RYR2: variants seen among roughly 807,000 people sequenced by gnomAD.
RYR2 encodes ryanodine receptor 2, also known as cardiac muscle ryanodine receptor-calcium release channel.
Under a neutral mutation model 601.1 loss-of-function variants are expected in RYR2, and 227 were observed. The ratio of observed to expected loss-of-function variants is 0.38; its 90% confidence interval spans 0.34 to 0.42. RYR2 has a LOEUF of 0.42. Ranked by LOEUF, RYR2 falls within the 10% of genes least tolerant of loss-of-function variation. The pLI, the probability that RYR2 is intolerant of heterozygous loss-of-function variation, is 1.00. For missense variants in RYR2, 4,646 were observed against 6,156.5 expected (o/e 0.75, Z 8.21); for synonymous variants, 2,223 against 2,175.1 (o/e 1.02, Z -0.61).
intron 10 of RYR2, among the ~76,000 whole-genome samples, chr1:237,408,944 A>C (rs1572191245): frequency 7.0e-6 from 1 of 143,428 alleles, no homozygotes; most frequent in African/African-American, 2.6e-5. Flanking sequence ...ATTAAGATAA[A>C]TAATATTTTT....
intron 63 of RYR2, among the ~76,000 whole-genome samples, chr1:237,690,616 C>G (rs925427549): frequency 2.6e-5 from 4 of 152,182 alleles, no homozygotes; most frequent in African/African-American, 9.6e-5. Flanking sequence ...AATCCCAGCA[C>G]TTTGGGAGGC....
rs768755342 is a variant in RYR2 at position 237,569,236 on chromosome 1, C to T, written c.3515C>T (p.Thr1172Ile). The T allele has an allele frequency of 6.2e-7, 1 of 1,613,920 alleles. No homozygotes were observed. Among genetic ancestry groups the T allele is most frequent in the Non-Finnish European group, 8.5e-7 (1 of 1,179,850 alleles). ...VGCMVDMNEH[T>I]MMFTLNGEIL... ...TGTATGGTTGACATGAACGAACACA[C>T]CATGATGTTCACACTGAATGGTGAA... Residue 1172 changes from threonine (T) to isoleucine (I), a missense_variant, in exon 29 of 105, where the codon ACC becomes ATC. Thr to Ile is a moderately conservative substitution (Grantham distance 89). This residue lies in a region of RYR2 where 1,807 missense variants were observed against 2,088.1 expected (regional missense o/e 0.87). Coordinates refer to ENST00000366574, the MANE Select transcript of RYR2 (RefSeq NM_001035.3).
Position 237,628,147 on chromosome 1 carries a change from A to T in RYR2, c.6440+67A>T. On this transcript the variant is annotated intron_variant, in intron 41 of 104. Coordinates refer to ENST00000366574, the MANE Select transcript of RYR2 (RefSeq NM_001035.3). ...TTTCTAATTGTTATACCTATAGAGC[A>T]GTACATTAACTACATTGATAAAAAT... 2.6e-6 allele frequency: 4 copies of T among 1,522,860 alleles called. No individual in the cohort carries two copies. In the South Asian group the frequency reaches 4.9e-5, roughly 19 times the overall value. 94.3% of individuals were successfully genotyped at this position (1,522,860 alleles called of 1,614,324 possible). A position where few individuals can be genotyped will look rare whatever the true frequency, so the allele number is the denominator to read the frequency against.
intron 77 of RYR2, 128 bp downstream of exon 77, chr1:237,730,484 T>A: frequency 2.0e-6 from 1 of 506,316 alleles, no homozygotes; most frequent in Non-Finnish European, 3.5e-6. Context: ...TAGGAAACTT[T>A]TAAATCTTAA....
intron 83 of RYR2, among the ~76,000 whole-genome samples, chr1:237,760,423 G>T (rs1043959186): frequency 1.3e-5 from 2 of 149,842 alleles, no homozygotes; most frequent in Non-Finnish European, 3.0e-5. Flanking sequence ...GAGAATTAGC[G>T]TATATTCTGC....
At chr1:237,219,321 A>G (rs1225734134) in intron 1 of RYR2, among the ~76,000 whole-genome samples, 1 of 152,032 alleles carries the variant, frequency 6.6e-6, no homozygotes, top group Non-Finnish European at 1.5e-5. Context: ...CCCGGCCTAT[A>G]CTTTATGTTA....
chr1:237,366,769 G>A (rs1249524153), intron 5 of RYR2, among the ~76,000 whole-genome samples: 2 of 151,590 alleles, frequency 1.3e-5, no homozygotes, highest in African/African-American at 2.4e-5. Flanking sequence ...AGCACTTTCT[G>A]GTTAACTTCA....
intron 61 of RYR2, 117 bp from the exon 62 acceptor site, chr1:237,680,338 TG>T (rs1382879397): frequency 4.3e-6 from 3 of 689,858 alleles, no homozygotes; most frequent in Non-Finnish European, 7.2e-6. Context: ...GTGCCTGGCA[TG>T]GACATAAGGA....
chr1:237,377,093 T>C (rs984112487), intron 7 of RYR2, among the ~76,000 whole-genome samples: 3 of 152,172 alleles, frequency 2.0e-5, no homozygotes, highest in African/African-American at 7.2e-5. Flanking sequence ...AAGCAATTCT[T>C]AGTGGAAGAA....
At chr1:237,728,601 C>T (rs1393502548) in intron 76 of RYR2, among the ~76,000 whole-genome samples, 2 of 151,952 alleles carry the variant, frequency 1.3e-5, no homozygotes, top group African/African-American at 4.8e-5. Context: ...TACTATGCAG[C>T]CATAAAAAAA....
At chr1:237,190,290 T>C (rs1388610659) in intron 1 of RYR2, among the ~76,000 whole-genome samples, 1 of 152,234 alleles carries the variant, frequency 6.6e-6, no homozygotes, top group African/African-American at 2.4e-5. Flanking sequence ...TTTTCCTTTC[T>C]GTTGATAGTG....
rs144876996 is a variant in RYR2, at chr1:237,666,523, C to T, written c.8448C>T (p.Asp2816=). Residue 2816 remains aspartate, a synonymous_variant, in exon 57 of 105, where the codon GAC becomes GAT. Transcript: ENST00000366574. ...CACAAATGATCTAGGTTTCTGTGGA[C>T]GCTGCCCATGGTTACAGTCCCCGGG... ...RISQTSQVSV[D]AAHGYSPRAI... 12,996 of 1,611,546 alleles carry T rather than the reference C, an allele frequency of 8.1e-3. 116 individuals carry two copies. The highest frequency in any genetic ancestry group is 0.034 in the Admixed American group (2,033 of 59,688).
chr1:237,656,077 C>T, intron 53 of RYR2, 93 bp downstream of exon 53: 1 of 1,140,926 alleles, frequency 8.8e-7, no homozygotes, highest in South Asian at 1.6e-5. Flanking sequence ...TTCTCTAATA[C>T]ATGCCCCCTT....
chr1:237,727,598 A>G (rs1203778521), intron 76 of RYR2, among the ~76,000 whole-genome samples: 1 of 152,132 alleles, frequency 6.6e-6, no homozygotes, highest in African/African-American at 2.4e-5. Context: ...TCTCATCTGT[A>G]TCATAATGGG....
intron 5 of RYR2, among the ~76,000 whole-genome samples, chr1:237,366,778 C>T (rs1700237748): frequency 6.6e-6 from 1 of 151,872 alleles, no homozygotes; most frequent in South Asian, 2.1e-4. Context: ...TGGTTAACTT[C>T]AAGACCTTGT....
intron 80 of RYR2, among the ~76,000 whole-genome samples, chr1:237,747,728 A>G (rs1692200788): frequency 6.6e-6 from 1 of 152,216 alleles, no homozygotes; most frequent in Non-Finnish European, 1.5e-5. Flanking sequence ...AGCATTTTAA[A>G]TTAAAAAGTC....
intron 1 of RYR2, among the ~76,000 whole-genome samples, chr1:237,236,281 T>C (rs1685543517): frequency 6.6e-6 from 1 of 152,202 alleles, no homozygotes; most frequent in Admixed American, 6.5e-5. Flanking sequence ...AGTAGATCAG[T>C]CAATAGTACT....
intron 102 of RYR2, among the ~76,000 whole-genome samples, chr1:237,828,786 G>A (rs1192492814): frequency 1.3e-5 from 2 of 152,158 alleles, no homozygotes; most frequent in East Asian, 3.9e-4. Flanking sequence ...CCCTGGAGTG[G>A]TAGGGTCTCT....
chr1:237,531,938 T>C (rs1028842854), intron 25 of RYR2, among the ~76,000 whole-genome samples: 1 of 152,176 alleles, frequency 6.6e-6, no homozygotes, highest in African/African-American at 2.4e-5. Context: ...TTCATTTTCC[T>C]TTTTCAACTG....
Sources: gnomAD v4.1 joint callset for allele counts (sites outside exome capture counted in the v4.1 genomes callset) on GRCh38, gnomAD v4.1.1 for gene constraint, gnomAD v4.1.1 regional missense constraint, MANE v1.5 for transcripts, NCBI Gene and HGNC (gene_info 2026-07-23, HGNC 2026-07-21) for gene names.